Variants in ZSWIM6 observed in about 807,000 individuals in gnomAD.
ZSWIM6 encodes the protein zinc finger SWIM-type containing 6, also known as zinc finger SWIM domain-containing protein 6.
A neutral mutation model predicts 113.2 loss-of-function variants in ZSWIM6; 9 were observed. The observed-to-expected ratio is 0.08, with a 90% confidence interval of 0.05 to 0.14. The LOEUF (loss-of-function observed/expected upper bound fraction) is 0.14. Among genes scored for constraint, ZSWIM6 ranks in the 10% least tolerant of loss-of-function variants. The probability of loss-of-function intolerance (pLI) is 1.00; values close to 1 mark genes in which losing one functional copy is unlikely to be tolerated. For missense variants in ZSWIM6, 1,162 were observed against 1,552.2 expected, an observed-to-expected ratio of 0.75 and a Z score of 4.22; for synonymous variants, 611 against 606.5, an observed-to-expected ratio of 1.01 and a Z score of -0.11.
intron 1 of ZSWIM6, among the ~76,000 whole-genome samples, chr5:61,334,163 G>C (rs894094280): frequency 1.3e-5 from 2 of 152,240 alleles, no homozygotes; most frequent in Admixed American, 6.5e-5. Flanking sequence ...TCCTTTCTCT[G>C]ACAGATCCTG....
chr5:61,521,787 A>G (rs1404738243), intron 5 of ZSWIM6, among the ~76,000 whole-genome samples: 1 of 152,184 alleles, frequency 6.6e-6, no homozygotes, highest in African/African-American at 2.4e-5. Flanking sequence ...TACTTTTAAA[A>G]CAAACTGTCA....
intron 1 of ZSWIM6, among the ~76,000 whole-genome samples, chr5:61,334,686 G>A (rs1284962657): frequency 6.6e-6 from 1 of 152,120 alleles, no homozygotes; most frequent in Non-Finnish European, 1.5e-5. Context: ...CTTTCCTTCT[G>A]TCTAGAGGGG....
At position 61,535,591 on chromosome 5, in the gene ZSWIM6, G is replaced by T. The variant is rs1580070487; in HGVS notation, c.2353G>T (p.Ala785Ser). The change falls in exon 10 of 14, where the codon GCA becomes TCA. Residue 785 changes from alanine (A) to serine (S), a missense_variant. Physicochemically the swap from Ala to Ser is moderately conservative, Grantham distance 99. This residue lies in a region of ZSWIM6 where 620 missense variants were observed against 804.6 expected (regional missense o/e 0.77). Coordinates refer to ENST00000252744, the MANE Select transcript of ZSWIM6 (RefSeq NM_020928.2). ...TCTCCTACCTCACGATGCTGAATTG[G>T]CATACAAAATTGCACTGAGAGCAAT... Reference protein sequence around the residue: ...TSLLPHDAELAYKIALRAMRL... With the variant: ...TSLLPHDAELSYKIALRAMRL... The T allele has an allele frequency of 3.2e-6, 5 of 1,551,252 alleles. No individual in the cohort carries two copies. Among genetic ancestry groups the T allele is most frequent in the Non-Finnish European group, 4.4e-6 (5 of 1,146,728 alleles).
chr5:61,338,821 A>T (rs867416420), intron 1 of ZSWIM6, among the ~76,000 whole-genome samples: 1 of 152,118 alleles, frequency 6.6e-6, no homozygotes, highest in Non-Finnish European at 1.5e-5. Context: ...TCCACTTTGC[A>T]TTGAGTTTCA....
At chr5:61,358,799 T>C (rs1357062086) in intron 1 of ZSWIM6, among the ~76,000 whole-genome samples, 1 of 152,202 alleles carries the variant, frequency 6.6e-6, no homozygotes, top group African/African-American at 2.4e-5. Flanking sequence ...CCAGACGCTA[T>C]AGAGCAGTGC....
intron 1 of ZSWIM6, among the ~76,000 whole-genome samples, chr5:61,346,798 T>C (rs1232051333): frequency 6.6e-6 from 1 of 152,230 alleles, no homozygotes; most frequent in Non-Finnish European, 1.5e-5. Context: ...AGCTGTTTCA[T>C]AAATAGCAGG....
chr5:61,539,635 A>G lies in ZSWIM6; in HGVS notation c.2579A>G (p.Gln860Arg). The G allele has an allele frequency of 3.2e-6, 5 of 1,552,082 alleles. No individual in the cohort carries two copies. Among genetic ancestry groups the G allele is most frequent in the Admixed American group, 2.0e-5 (1 of 51,016 alleles). Residue 860 changes from glutamine (Q) to arginine (R), a missense_variant, in exon 12 of 14, where the codon CAG (glutamine) becomes CGG (arginine). Gln to Arg is a conservative substitution (Grantham distance 43). This residue lies in a region of ZSWIM6 where 620 missense variants were observed against 804.6 expected (regional missense o/e 0.77). Transcript: ENST00000252744. ...CTGGAAACAGTATTAGAATCCATCC[A>G]GAAAAACATTCACTCCTCATCACAC... ...RRLETVLESI[Q>R]KNIHSSSHIF...
At chr5:61,334,306 T>A (rs559266153) in intron 1 of ZSWIM6, among the ~76,000 whole-genome samples, 2 of 152,334 alleles carry the variant, frequency 1.3e-5, no homozygotes, top group Admixed American at 1.3e-4. Flanking sequence ...AGAACAATGC[T>A]GTAGTGAAAC....
In ZSWIM6 at chr5:61,530,107, T is replaced by C. The variant is rs757310729; in HGVS notation, c.1893T>C (p.His631=). ...SITNLEGWVG[H]PLDPVGTLFS... ...CCAATCTGGAGGGCTGGGTTGGACATCCCCTGGACCCTGTGGGCACTCTCT... is the reference window on the plus strand; with the variant it reads ...CCAATCTGGAGGGCTGGGTTGGACACCCCCTGGACCCTGTGGGCACTCTCT... Residue 631 remains histidine (H), a synonymous_variant, in exon 8 of 14, where the codon CAT becomes CAC. Transcript: ENST00000252744. The C allele has an allele frequency of 1.3e-4, 204 of 1,551,390 alleles. 1 individual carries two copies. Among genetic ancestry groups the C allele is most frequent in the Middle Eastern group, 3.3e-4 (2 of 6,016 alleles).
At chr5:61,351,959 C>T (rs1340097624) in intron 1 of ZSWIM6, among the ~76,000 whole-genome samples, 1 of 152,210 alleles carries the variant, frequency 6.6e-6, no homozygotes, top group Non-Finnish European at 1.5e-5. Context: ...ATATTGCAGC[C>T]AGGATGGTGT....
chr5:61,428,515 G>A (rs982071663), intron 1 of ZSWIM6, among the ~76,000 whole-genome samples: 1 of 149,648 alleles, frequency 6.7e-6, no homozygotes, highest in Non-Finnish European at 1.5e-5. Flanking sequence ...GGTGCACACC[G>A]CTACACGCAG....
chr5:61,391,114 C>G (rs1282674240), intron 1 of ZSWIM6: 1 of 754,290 alleles, frequency 1.3e-6, no homozygotes, highest in Non-Finnish European at 2.5e-6. Context: ...TGTCCCAGTA[C>G]AGGCCACTTT....
chr5:61,539,474 ATGTTT>A, intron 11 of ZSWIM6, 117 bp from the exon 12 acceptor site: 1 of 1,177,656 alleles, frequency 8.5e-7, no homozygotes, highest in Non-Finnish European at 1.2e-6. Flanking sequence ...CTTGTGCTTT[ATGTTT>A]TGTTTTGTTT....
At chr5:61,529,828 A>G (rs757894767) in intron 7 of ZSWIM6, among the ~76,000 whole-genome samples, 4 of 152,200 alleles carry the variant, frequency 2.6e-5, no homozygotes, top group Non-Finnish European at 5.9e-5. Context: ...ATTCAGTACC[A>G]TTTATATTGA....
chr5:61,395,042 A>G (rs1025924624), intron 1 of ZSWIM6, among the ~76,000 whole-genome samples: 1 of 152,184 alleles, frequency 6.6e-6, no homozygotes, highest in African/African-American at 2.4e-5. Flanking sequence ...ATGAAAGCCC[A>G]TTGTGCTCAT....
chr5:61,429,900 G>A (rs1427445548), intron 1 of ZSWIM6, among the ~76,000 whole-genome samples: 1 of 152,222 alleles, frequency 6.6e-6, no homozygotes, highest in African/African-American at 2.4e-5. Flanking sequence ...TCTGCATGAA[G>A]TGAATGCAAA....
At position 61,521,311 on chromosome 5, in the gene ZSWIM6, A is replaced by G; in HGVS notation, c.1382A>G (p.Gln461Arg). ...TTAAACCCCCACTGCAAGTTGGAGC[A>G]AAAGGCCAGTTGGCTAAAACAGCTG... ...IVLNPHCKLE[Q>R]KASWLKQLKK... Residue 461 changes from glutamine to arginine, a missense_variant, in exon 5 of 14, where the codon CAA (glutamine) becomes CGA (arginine). By Grantham distance (43) the Gln-to-Arg change is conservative. This residue lies in a region of ZSWIM6 where 620 missense variants were observed against 804.6 expected (regional missense o/e 0.77). Coordinates refer to ENST00000252744, the MANE Select transcript of ZSWIM6 (RefSeq NM_020928.2). The G allele has an allele frequency of 6.6e-7, 1 of 1,515,814 alleles. No individual in the cohort carries two copies. Among genetic ancestry groups the G allele is most frequent in the African/African-American group, 1.4e-5 (1 of 71,032 alleles). 93.9% of individuals were successfully genotyped at this position (1,515,814 alleles called of 1,614,324 possible).
At chr5:61,400,883 T>A (rs1418595569) in intron 1 of ZSWIM6, among the ~76,000 whole-genome samples, 1 of 152,194 alleles carries the variant, frequency 6.6e-6, no homozygotes, top group Non-Finnish European at 1.5e-5. Flanking sequence ...TACATTTGAC[T>A]GGTGGGGAAC....
intron 4 of ZSWIM6, among the ~76,000 whole-genome samples, chr5:61,495,533 T>G (rs1275533911): frequency 6.6e-6 from 1 of 152,180 alleles, no homozygotes; most frequent in African/African-American, 2.4e-5. Context: ...TTTTCTTAAG[T>G]ATCTTGTAAT....
Sources: gnomAD v4.1 joint callset for allele counts (sites outside exome capture counted in the v4.1 genomes callset) on GRCh38, gnomAD v4.1.1 for gene constraint, gnomAD v4.1.1 regional missense constraint, MANE v1.5 for transcripts, NCBI Gene and HGNC (gene_info 2026-07-23, HGNC 2026-07-21) for gene names.